The following RFX3 variants were observed in gnomAD, a reference collection of about 807,000 sequenced individuals.
RFX3 encodes the protein regulatory factor X3.
A neutral mutation model predicts 98.6 loss-of-function variants in RFX3; 14 were observed. That is an observed-to-expected ratio of 0.14 (90% CI 0.09 to 0.22). The LOEUF (loss-of-function observed/expected upper bound fraction) is 0.22, where lower values mean the gene tolerates loss of function less well. Ranked by LOEUF, RFX3 falls within the 10% of genes least tolerant of loss-of-function variation. The probability of loss-of-function intolerance (pLI) is 1.00; values close to 1 mark genes in which losing one functional copy is unlikely to be tolerated. For missense variants in RFX3, 639 were observed against 926.9 expected, an observed-to-expected ratio of 0.69 and a Z score of 4.03; for synonymous variants, 383 against 328.4, an observed-to-expected ratio of 1.17 and a Z score of -1.80.
At chr9:3,311,776 C>T (rs755011412) in intron 4 of RFX3, among the ~76,000 whole-genome samples, 2 of 151,966 alleles carry the variant, frequency 1.3e-5, no homozygotes, top group East Asian at 1.9e-4. Context: ...CCCAGCTACT[C>T]GGGAGGCTGA....
chr9:3,515,105 A>G (rs1818027010), intron 1 of RFX3, among the ~76,000 whole-genome samples: 1 of 152,204 alleles, frequency 6.6e-6, no homozygotes, highest in Non-Finnish European at 1.5e-5. Flanking sequence ...GCAAAAACAT[A>G]TATCCACAAA....
rs139249574 is a variant in RFX3 at position 3,263,874 on chromosome 9, A to T, written c.1456-790T>A. On this transcript the variant is annotated intron_variant, in intron 12 of 16. Coordinates refer to ENST00000617270, the MANE Select transcript of RFX3 (RefSeq NM_001282116.2). ...AGGATGGGAAGAAAGAGCGGTTACC[A>T]GGGTACTTATTCACTGCAACCTCTG... 6.1e-3 allele frequency among the ~76,000 whole-genome samples: 936 copies of T among 152,270 alleles called. 3 individuals are homozygous for T. The highest frequency in any genetic ancestry group is 9.8e-3 in the Non-Finnish European group (669 of 68,032).
intron 1 of RFX3, 54 bp from the exon 2 acceptor site, chr9:3,395,650 G>A: frequency 6.3e-7 from 1 of 1,584,172 alleles, no homozygotes. Flanking sequence ...TGCATGACTA[G>A]CTTCCTTACA....
chr9:3,285,621 C>G (rs1440396433), intron 7 of RFX3, among the ~76,000 whole-genome samples: 3 of 151,610 alleles, frequency 2.0e-5, no homozygotes, highest in African/African-American at 4.8e-5. Context: ...AACAGTAACA[C>G]TGCAATCAGT....
intron 1 of RFX3, among the ~76,000 whole-genome samples, chr9:3,414,149 C>G (rs1842689487): frequency 6.6e-6 from 1 of 152,028 alleles, no homozygotes; most frequent in African/African-American, 2.4e-5. Context: ...AAATACTTTT[C>G]CTAAGAGCTC....
At chr9:3,282,739 CTTCTTTA>C (rs1392554190) in intron 7 of RFX3, among the ~76,000 whole-genome samples, 2 of 151,694 alleles carry the variant, frequency 1.3e-5, no homozygotes, top group Non-Finnish European at 2.9e-5. Flanking sequence ...CCTTTCCCAC[CTTCTTTA>C]TTTGAAGAAT....
intron 7 of RFX3, among the ~76,000 whole-genome samples, chr9:3,283,720 G>C (rs2131525916): frequency 6.6e-6 from 1 of 151,832 alleles, no homozygotes; most frequent in East Asian, 1.9e-4. Flanking sequence ...TGAAAGAAAG[G>C]TTTATTCTTT....
Position 3,224,959 on chromosome 9 carries a change from G to T in RFX3, c.*83C>A. 1 of 1,332,544 alleles carries T rather than the reference G, an allele frequency of 7.5e-7. No homozygotes were observed. Among genetic ancestry groups the T allele is most frequent in the South Asian group, 1.3e-5 (1 of 75,696 alleles). The allele number at this position is 1,332,544 out of a possible 1,614,324, so 82.5% of individuals were successfully genotyped here. A position where few individuals can be genotyped will look rare whatever the true frequency, so the allele number is the denominator to read the frequency against. On this transcript the variant is annotated 3_prime_UTR_variant, in exon 17 of 17. Transcript: ENST00000617270. ...GCACAGATAGAATTTGACAACAGTC[G>T]ACCTTCAGGCTTATTAAATTTTCAA...
intron 13 of RFX3, among the ~76,000 whole-genome samples, chr9:3,260,622 C>A (rs1157736511): frequency 1.3e-5 from 2 of 151,470 alleles, no homozygotes; most frequent in Non-Finnish European, 3.0e-5. Context: ...TTAAACAAAT[C>A]TTTTCTGAAA....
intron 1 of RFX3, among the ~76,000 whole-genome samples, chr9:3,455,960 A>G (rs931100720): frequency 5.3e-5 from 8 of 152,240 alleles, no homozygotes; most frequent in African/African-American, 1.2e-4. Context: ...ACAAAAACTT[A>G]TATCTGACAA....
intron 1 of RFX3, among the ~76,000 whole-genome samples, chr9:3,477,834 A>AC (rs1278154273): frequency 6.6e-6 from 1 of 152,018 alleles, no homozygotes; most frequent in Non-Finnish European, 1.5e-5. Flanking sequence ...GACTCTGTTC[A>AC]TTTTTCTTTC....
chr9:3,481,204 G>A (rs1032208205), intron 1 of RFX3, among the ~76,000 whole-genome samples: 1 of 152,050 alleles, frequency 6.6e-6, no homozygotes, highest in African/African-American at 2.4e-5. Context: ...TAAGTAACCT[G>A]CCCATAGTTA....
chr9:3,399,203 G>A (rs988038966), intron 1 of RFX3, among the ~76,000 whole-genome samples: 2 of 151,484 alleles, frequency 1.3e-5, no homozygotes, highest in Non-Finnish European at 2.9e-5. Context: ...GGGAGGCCAA[G>A]GTGGGTGAAT....
rs150373153 is a variant in RFX3 at position 3,338,398 on chromosome 9, T to A, written c.216-7881A>T. 1.1e-3 allele frequency among the ~76,000 whole-genome samples: 167 copies of A among 152,346 alleles called. 1 individual carries two copies. The highest frequency in any genetic ancestry group is 3.8e-3 in the African/African-American group (157 of 41,582). Reference sequence around the variant, plus strand: ...CTTCTTGTAATAACTTACTGAGTTTTCTCCTTCATGTGTAGTATTTTCATT... The same window carrying A: ...CTTCTTGTAATAACTTACTGAGTTTACTCCTTCATGTGTAGTATTTTCATT... On this transcript the variant is annotated intron_variant, in intron 3 of 16. Coordinates refer to ENST00000617270, the MANE Select transcript of RFX3 (RefSeq NM_001282116.2).
intron 11 of RFX3, among the ~76,000 whole-genome samples, chr9:3,267,348 G>A (rs373058286): frequency 1.8e-4 from 27 of 151,960 alleles, no homozygotes; most frequent in African/African-American, 6.5e-4. Flanking sequence ...TTGGGCCGAG[G>A]TCCCCAGGAA....
intron 4 of RFX3, among the ~76,000 whole-genome samples, chr9:3,307,559 G>C (rs1829471480): frequency 6.6e-6 from 1 of 152,118 alleles, no homozygotes; most frequent in African/African-American, 2.4e-5. Flanking sequence ...AGCTCTAAAG[G>C]TGGGAGTCTA....
rs539093349 is a variant in RFX3, at chr9:3,364,064, C to T, written c.118-17300G>A. On this transcript the variant is annotated intron_variant, in intron 2 of 16. Transcript: ENST00000617270. ...TTAATTTTTGTACTTTTAGTAGAGA[C>T]GGGGTTTCACCATGTTGGGCAGGAT... Among the ~76,000 whole-genome samples, 7 of 152,234 alleles carry T rather than the reference C, an allele frequency of 4.6e-5. No individual in the cohort carries two copies. In the South Asian group the frequency reaches 8.3e-4, roughly 18 times the overall value.
rs374693269 is a variant in RFX3, at chr9:3,340,240, G to A, written c.215+6427C>T. ...ACTGGATCCCTTCCTTACACCTTAT[G>A]CAAAAATTAATTCAAGATGGATTAA... is the stretch of plus-strand genomic sequence containing the variant. On this transcript the variant is annotated intron_variant, in intron 3 of 16. Coordinates refer to ENST00000617270, the MANE Select transcript of RFX3 (RefSeq NM_001282116.2). Among the ~76,000 whole-genome samples the A allele has an allele frequency of 3.3e-5, 5 of 152,024 alleles. No homozygotes were observed. In the South Asian group the frequency reaches 6.2e-4, roughly 19 times the overall value.
At chr9:3,232,728 T>G (rs76138056) in intron 15 of RFX3, among the ~76,000 whole-genome samples, 5,350 of 149,894 alleles carry the variant, frequency 0.036, 132 homozygotes, top group East Asian at 0.11. Flanking sequence ...GTAAATATGG[T>G]GTTGTTAGAT....
Sources: gnomAD v4.1 joint callset for allele counts (sites outside exome capture counted in the v4.1 genomes callset) on GRCh38, gnomAD v4.1.1 for gene constraint, MANE v1.5 for transcripts, NCBI Gene and HGNC (gene_info 2026-07-23, HGNC 2026-07-21) for gene names.